CDH13: variants seen among roughly 807,000 people sequenced by gnomAD.
CDH13 encodes cadherin 13.
Under a neutral mutation model 63.8 loss-of-function variants are expected in CDH13, and 24 were observed. The ratio of observed to expected loss-of-function variants is 0.38; its 90% CI spans 0.27 to 0.53. CDH13 has a LOEUF of 0.53. Ranked by LOEUF, CDH13 falls within the 20% of genes least tolerant of loss-of-function variation. The pLI is 0.85. For missense variants in CDH13, 1,049 were observed against 903.1 expected, an observed-to-expected ratio of 1.16 and a Z score of -2.07; for synonymous variants, 503 against 355.3, an observed-to-expected ratio of 1.42 and a Z score of -4.67.
At chr16:83,672,248 A>T (rs1335316438) in intron 9 of CDH13, among the ~76,000 whole-genome samples, 2 of 151,910 alleles carry the variant, frequency 1.3e-5, no homozygotes, top group East Asian at 1.9e-4. Flanking sequence ...TGGCTTATAA[A>T]CCACAGACAT....
At chr16:82,844,945 G>A (rs2039197531) in intron 1 of CDH13, among the ~76,000 whole-genome samples, 2 of 151,918 alleles carry the variant, frequency 1.3e-5, no homozygotes, top group African/African-American at 4.8e-5. Context: ...GTGAGGCACC[G>A]CACCTGGCCA....
rs1597249429 is a variant in CDH13 at position 83,798,372 on chromosome 16, G to A, written c.*3342G>A. ...TTTTCCTAGGGGGTGTATGAACATG[G>A]TACCAAAAAGGTGATTAATAATTAT... On this transcript the variant is annotated 3_prime_UTR_variant, in exon 14 of 14. Transcript: ENST00000567109. 1 of 152,114 alleles carries A rather than the reference G, an allele frequency of 6.6e-6. No homozygotes were observed. 9.4% of individuals were successfully genotyped at this position (152,114 alleles called of 1,614,324 possible).
At position 82,969,061 on chromosome 16, in the gene CDH13, C is replaced by T. The variant is rs374304589; in HGVS notation, c.158-62949C>T. On this transcript the variant is annotated intron_variant, in intron 2 of 13. Coordinates refer to ENST00000567109, the MANE Select transcript of CDH13 (RefSeq NM_001257.5). Reference sequence around the variant, plus strand: ...GGCAGAAGTTGCAGTAAGCCAAGATCGCATCACTGCACTCCAGCCTGGGCA... The same window carrying T: ...GGCAGAAGTTGCAGTAAGCCAAGATTGCATCACTGCACTCCAGCCTGGGCA... Among the ~76,000 whole-genome samples, 31 of 152,262 alleles carry T rather than the reference C, an allele frequency of 2.0e-4. No individual in the cohort carries two copies. The East Asian group carries it at 4.1e-3, about 20-fold the overall frequency.
At chr16:83,681,436 C>A (rs1207536850) in intron 10 of CDH13, among the ~76,000 whole-genome samples, 1 of 152,144 alleles carries the variant, frequency 6.6e-6, no homozygotes, top group Non-Finnish European at 1.5e-5. Context: ...GTGTGTGCTG[C>A]ACACATTTCT....
At chr16:82,814,877 T>C (rs2151187476) in intron 1 of CDH13, among the ~76,000 whole-genome samples, 1 of 152,176 alleles carries the variant, frequency 6.6e-6, no homozygotes, top group Admixed American at 6.5e-5. Context: ...CAGGTAGATA[T>C]TACTGAATTG....
chr16:83,095,212 G>A (rs1346908503), intron 3 of CDH13, among the ~76,000 whole-genome samples: 1 of 152,180 alleles, frequency 6.6e-6, no homozygotes, highest in Non-Finnish European at 1.5e-5. Context: ...GGAATTGGAA[G>A]AAATAGTAAA....
At chr16:82,754,833 C>G (rs766591527) in intron 1 of CDH13, among the ~76,000 whole-genome samples, 34 of 152,264 alleles carry the variant, frequency 2.2e-4, no homozygotes, top group Middle Eastern at 3.4e-3. Context: ...CAAACCTTAA[C>G]TAGTGTTTGT....
chr16:82,862,405 A>G (rs1019279823), intron 2 of CDH13, among the ~76,000 whole-genome samples: 2 of 152,176 alleles, frequency 1.3e-5, no homozygotes, highest in African/African-American at 4.8e-5. Flanking sequence ...GCTCAGACAG[A>G]TTTTTTCCAG....
At chr16:83,784,969 C>A (rs897576665) in intron 13 of CDH13, among the ~76,000 whole-genome samples, 2 of 152,234 alleles carry the variant, frequency 1.3e-5, no homozygotes, top group African/African-American at 4.8e-5. Flanking sequence ...AAATAGAAAT[C>A]AAGAGGCCAC....
At chr16:83,540,620 A>G (rs953348389) in intron 7 of CDH13, among the ~76,000 whole-genome samples, 3 of 152,152 alleles carry the variant, frequency 2.0e-5, no homozygotes, top group African/African-American at 4.8e-5. Context: ...CAGTCTCGTA[A>G]TGACACTCTC....
At chr16:83,141,201 C>A (rs1287548964) in intron 4 of CDH13, among the ~76,000 whole-genome samples, 3 of 152,182 alleles carry the variant, frequency 2.0e-5, no homozygotes, top group African/African-American at 7.2e-5. Flanking sequence ...AAATACCTCA[C>A]TTGATAGATA....
intron 4 of CDH13, among the ~76,000 whole-genome samples, chr16:83,182,082 C>T (rs1411372419): frequency 6.6e-6 from 1 of 152,174 alleles, no homozygotes; most frequent in African/African-American, 2.4e-5. Context: ...TCAGTAATTG[C>T]TCAATAAATA....
intron 4 of CDH13, among the ~76,000 whole-genome samples, chr16:83,139,820 T>C (rs987024911): frequency 6.6e-6 from 1 of 152,032 alleles, no homozygotes; most frequent in Non-Finnish European, 1.5e-5. Flanking sequence ...CTGACCAACA[T>C]GGAGAAACCC....
At chr16:83,015,292 A>T (rs1479888810) in intron 2 of CDH13, among the ~76,000 whole-genome samples, 1 of 152,014 alleles carries the variant, frequency 6.6e-6, no homozygotes, top group South Asian at 2.1e-4. Flanking sequence ...TACCTATTTA[A>T]AGACTATCCA....
intron 10 of CDH13, among the ~76,000 whole-genome samples, chr16:83,701,991 A>G (rs1256948785): frequency 6.6e-6 from 1 of 152,182 alleles, no homozygotes; most frequent in Non-Finnish European, 1.5e-5. Context: ...GTAAAGGGAG[A>G]TAATACCTAG....
At chr16:83,365,325 A>C (rs1453390760) in intron 6 of CDH13, among the ~76,000 whole-genome samples, 1 of 152,222 alleles carries the variant, frequency 6.6e-6, no homozygotes, top group African/African-American at 2.4e-5. Flanking sequence ...GGTTCTGTTC[A>C]GACCCGTAAG....
At chr16:82,984,732 G>A (rs955900667) in intron 2 of CDH13, among the ~76,000 whole-genome samples, 1 of 152,144 alleles carries the variant, frequency 6.6e-6, no homozygotes, top group African/African-American at 2.4e-5. Flanking sequence ...ACGGGATACA[G>A]CTGATATTTA....
intron 2 of CDH13, among the ~76,000 whole-genome samples, chr16:83,025,224 C>T (rs574883469): frequency 5.9e-5 from 9 of 152,268 alleles, no homozygotes; most frequent in Admixed American, 5.2e-4. Flanking sequence ...TAGTACCTTT[C>T]AGGAGGATGC....
intron 8 of CDH13, among the ~76,000 whole-genome samples, chr16:83,623,352 T>G (rs1382725129): frequency 6.6e-6 from 1 of 152,154 alleles, no homozygotes; most frequent in Non-Finnish European, 1.5e-5. Context: ...TTCAGCGCCT[T>G]GTTTCTCCCT....
Sources: gnomAD v4.1 joint callset for allele counts (sites outside exome capture counted in the v4.1 genomes callset) on GRCh38, gnomAD v4.1.1 for gene constraint, MANE v1.5 for transcripts, NCBI Gene and HGNC (gene_info 2026-07-23, HGNC 2026-07-21) for gene names.